The following CADPS variants were observed in gnomAD, a reference collection of about 807,000 sequenced individuals.
CADPS encodes calcium-dependent secretion activator 1.
Under a neutral mutation model 167.3 loss-of-function variants are expected in CADPS, and 57 were observed. The ratio of observed to expected loss-of-function variants is 0.34; its 90% confidence interval spans 0.28 to 0.42. The LOEUF (loss-of-function observed/expected upper bound fraction) is 0.42. Among genes scored for constraint, CADPS ranks in the 20% least tolerant of loss-of-function variants. The pLI is 1.00. For missense variants in CADPS, 1,414 were observed against 1,738.1 expected (o/e 0.81, Z 3.32); for synonymous variants, 676 against 635.3 (o/e 1.06, Z -0.96).
At chr3:62,536,797 C>G (rs1048153447) in intron 11 of CADPS, among the ~76,000 whole-genome samples, 1 of 152,180 alleles carries the variant, frequency 6.6e-6, no homozygotes, top group African/African-American at 2.4e-5. Flanking sequence ...AAGATATTGG[C>G]ATCAACATGT....
chr3:62,433,029 C>G lies in CADPS; in HGVS notation c.3777+5075G>C, dbSNP rs2054278079. 6.6e-6 allele frequency among the ~76,000 whole-genome samples: 1 copy of G among 152,164 alleles called. No homozygotes were observed. Among genetic ancestry groups the G allele is most frequent in the African/African-American group, 2.4e-5 (1 of 41,438 alleles). On this transcript the variant is annotated intron_variant, in intron 28 of 29. Coordinates refer to ENST00000383710, the MANE Select transcript of CADPS (RefSeq NM_003716.4). This position sits in a 1 kb window ranked among gnomAD's most constrained non-coding sequence, Gnocchi z 4.7. ...TTGGAAGTGGTTTCCCTTACCTGGACAGCTGGTGATATACCTTACAGATAT... is the reference window on the plus strand; with the variant it reads ...TTGGAAGTGGTTTCCCTTACCTGGAGAGCTGGTGATATACCTTACAGATAT...
chr3:62,530,088 C>A (rs978936788), intron 13 of CADPS, among the ~76,000 whole-genome samples: 7 of 152,064 alleles, frequency 4.6e-5, no homozygotes, highest in African/African-American at 1.7e-4. Context: ...TTAAAGGTGA[C>A]CTCAGTATAT....
intron 5 of CADPS, among the ~76,000 whole-genome samples, chr3:62,647,672 T>A (rs1021399547): frequency 2.6e-5 from 4 of 152,172 alleles, no homozygotes; most frequent in Non-Finnish European, 4.4e-5. Context: ...CATTTTTACA[T>A]TGGGAAGAAC....
At chr3:62,742,156 C>A (rs916209644) in intron 3 of CADPS, among the ~76,000 whole-genome samples, 1 of 152,136 alleles carries the variant, frequency 6.6e-6, no homozygotes, top group Non-Finnish European at 1.5e-5. Context: ...ACATCCAATG[C>A]TCATGGATAG....
At chr3:62,635,234 T>A (rs572438524) in intron 6 of CADPS, among the ~76,000 whole-genome samples, 1 of 152,290 alleles carries the variant, frequency 6.6e-6, no homozygotes, top group South Asian at 2.1e-4. Flanking sequence ...GTTGAGTGAT[T>A]TGACACAGCA....
chr3:62,849,541 G>T (rs978318425), intron 1 of CADPS, among the ~76,000 whole-genome samples: 1 of 123,490 alleles, frequency 8.1e-6, no homozygotes, highest in Non-Finnish European at 1.7e-5. Flanking sequence ...TAATCATGTG[G>T]TTTTTGTCTT....
intron 3 of CADPS, among the ~76,000 whole-genome samples, chr3:62,735,670 G>A (rs957728615): frequency 3.9e-5 from 6 of 152,112 alleles, no homozygotes; most frequent in Admixed American, 6.5e-5. Context: ...AAAGAAATGC[G>A]GTCATGTGAC....
chr3:62,825,220 C>A (rs1444531295), intron 1 of CADPS, among the ~76,000 whole-genome samples: 1 of 152,066 alleles, frequency 6.6e-6, no homozygotes, highest in Non-Finnish European at 1.5e-5. Context: ...GCACCTTTTC[C>A]TTATTAGCTT....
Position 62,594,822 on chromosome 3 carries a change from T to C in CADPS, c.1326-2074A>G, listed in dbSNP as rs13317195. ...GCACACTTTCAAGGCTTGAGATGCCTATTCCCAAAATGCTTTCCACAAAGG... is the reference window on the plus strand; with the variant it reads ...GCACACTTTCAAGGCTTGAGATGCCCATTCCCAAAATGCTTTCCACAAAGG... On this transcript the variant is annotated intron_variant, in intron 6 of 29. Coordinates refer to ENST00000383710, the MANE Select transcript of CADPS (RefSeq NM_003716.4). 4.6e-3 allele frequency among the ~76,000 whole-genome samples: 708 copies of C among 152,328 alleles called. 6 individuals carry two copies. Among genetic ancestry groups the C allele is most frequent in the African/African-American group, 0.016 (682 of 41,570 alleles).
chr3:62,597,125 T>C (rs1270541619), intron 6 of CADPS, among the ~76,000 whole-genome samples: 2 of 152,130 alleles, frequency 1.3e-5, no homozygotes, highest in African/African-American at 4.8e-5. Context: ...AGGCCAGGAA[T>C]TTGAGAGTAG....
At chr3:62,468,357 G>C (rs139142122) in intron 24 of CADPS, among the ~76,000 whole-genome samples, 1 of 152,210 alleles carries the variant, frequency 6.6e-6, no homozygotes, top group East Asian at 1.9e-4. Flanking sequence ...AATCAGAAAA[G>C]CTAGCTGTGT....
At chr3:62,418,247 A>G (rs1158327827) in intron 28 of CADPS, among the ~76,000 whole-genome samples, 3 of 146,464 alleles carry the variant, frequency 2.0e-5, no homozygotes, top group East Asian at 4.0e-4. Context: ...TTTTTATTGT[A>G]TTTTTCCTGT....
chr3:62,859,016 C>T (rs2080241489), intron 1 of CADPS, among the ~76,000 whole-genome samples: 1 of 152,098 alleles, frequency 6.6e-6, no homozygotes, highest in Non-Finnish European at 1.5e-5. Flanking sequence ...AAACAAAAGA[C>T]TATGCCAAAG....
At chr3:62,769,311 A>G (rs2087851335) in intron 1 of CADPS, among the ~76,000 whole-genome samples, 1 of 149,152 alleles carries the variant, frequency 6.7e-6, no homozygotes, top group Admixed American at 6.7e-5. Context: ...GGCTCACTGC[A>G]ACCTCCACCT....
chr3:62,571,059 C>A, intron 8 of CADPS, 121 bp from the exon 9 acceptor site: 2 of 718,944 alleles, frequency 2.8e-6, no homozygotes, highest in Admixed American at 2.3e-5. Context: ...AGGAACGGGG[C>A]GCAGATTTTG....
chr3:62,809,558 A>C (rs940905168), intron 1 of CADPS, among the ~76,000 whole-genome samples: 1 of 152,150 alleles, frequency 6.6e-6, no homozygotes, highest in African/African-American at 2.4e-5. Flanking sequence ...TCATCTCCCC[A>C]GACTGCCCAG....
chr3:62,835,418 C>A (rs1033102387), intron 1 of CADPS, among the ~76,000 whole-genome samples: 2 of 152,184 alleles, frequency 1.3e-5, no homozygotes, highest in South Asian at 2.1e-4. Context: ...AAATTCAATT[C>A]TCTTTCACGA....
chr3:62,757,728 A>G (rs2084336546), intron 2 of CADPS, among the ~76,000 whole-genome samples: 1 of 152,144 alleles, frequency 6.6e-6, no homozygotes. Context: ...TAATAAAGAC[A>G]TACCCAAGAC....
intron 2 of CADPS, among the ~76,000 whole-genome samples, chr3:62,762,363 T>C (rs534289419): frequency 6.6e-6 from 1 of 152,266 alleles, no homozygotes; most frequent in South Asian, 2.1e-4. Flanking sequence ...TGATTTAATG[T>C]ATATGGGAGA....
Sources: gnomAD v4.1 joint callset for allele counts (sites outside exome capture counted in the v4.1 genomes callset) on GRCh38, gnomAD v4.1.1 for gene constraint, Gnocchi (gnomAD v3.1) non-coding constraint, MANE v1.5 for transcripts, NCBI Gene and HGNC (gene_info 2026-07-23, HGNC 2026-07-21) for gene names.